The following SLAMF6 variants were observed in gnomAD, a reference collection of about 807,000 sequenced individuals.
SLAMF6 encodes the protein SLAM family member 6.
Under a neutral mutation model 38.3 loss-of-function variants are expected in SLAMF6, and 21 were observed. That is an observed-to-expected ratio of 0.55 (90% CI 0.39 to 0.79). SLAMF6 has a LOEUF of 0.79. Among genes scored for constraint, SLAMF6 ranks in the 30% least tolerant of loss-of-function variants. SLAMF6 has a pLI of 0.00. For synonymous variants in SLAMF6, 152 were observed against 146.3 expected (o/e 1.04, Z -0.28); for missense variants, 341 against 385.3 (o/e 0.89, Z 0.96).
chr1:160,517,807 A>G (rs1269668868), intron 1 of SLAMF6, among the ~76,000 whole-genome samples: 1 of 152,166 alleles, frequency 6.6e-6, no homozygotes, highest in East Asian at 1.9e-4. Flanking sequence ...GAACAGTGAG[A>G]ACACATGGAC....
intron 6 of SLAMF6, 127 bp from the exon 7 acceptor site, chr1:160,487,302 G>A (rs1653017440): frequency 7.2e-6 from 6 of 839,010 alleles, no homozygotes; most frequent in South Asian, 3.5e-5. Context: ...GAAGGCTGGG[G>A]AATGTTCAGT....
intron 4 of SLAMF6, 164 bp downstream of exon 4, chr1:160,490,411 G>A (rs1267283176): frequency 2.9e-5 from 23 of 788,680 alleles, no homozygotes; most frequent in Non-Finnish European, 3.4e-5. Flanking sequence ...ATTAGCAGGT[G>A]CAAGATCACA....
chr1:160,501,008 CA>C (rs1265894327), intron 1 of SLAMF6, among the ~76,000 whole-genome samples: 1 of 152,196 alleles, frequency 6.6e-6, no homozygotes, highest in Non-Finnish European at 1.5e-5. Flanking sequence ...AAGGCTAAGG[CA>C]GAGTGGTAGC....
At chr1:160,512,336 G>T (rs1220691657) in intron 1 of SLAMF6, among the ~76,000 whole-genome samples, 1 of 152,196 alleles carries the variant, frequency 6.6e-6, no homozygotes, top group Non-Finnish European at 1.5e-5. Flanking sequence ...CCAGCCAAGG[G>T]TTTATGGACA....
At chr1:160,513,397 C>A (rs888231516) in intron 1 of SLAMF6, among the ~76,000 whole-genome samples, 2 of 152,138 alleles carry the variant, frequency 1.3e-5, no homozygotes, top group Non-Finnish European at 2.9e-5. Flanking sequence ...GATTATGGTA[C>A]CTGAAAGAGA....
At chr1:160,518,412 A>G (rs1403650727) in intron 1 of SLAMF6, among the ~76,000 whole-genome samples, 1 of 152,232 alleles carries the variant, frequency 6.6e-6, no homozygotes, top group Non-Finnish European at 1.5e-5. Flanking sequence ...CTGGGTATAT[A>G]CCCAAAAGAA....
intron 1 of SLAMF6, among the ~76,000 whole-genome samples, chr1:160,501,365 C>A (rs1318350983): frequency 6.6e-6 from 1 of 152,192 alleles, no homozygotes; most frequent in East Asian, 1.9e-4. Flanking sequence ...GCCCTCGTAT[C>A]ACTATTGCAG....
intron 1 of SLAMF6, among the ~76,000 whole-genome samples, chr1:160,510,111 A>T (rs1654396828): frequency 6.6e-6 from 1 of 152,154 alleles, no homozygotes. Flanking sequence ...CAGTACTCAA[A>T]AACCTCCTGA....
rs773634835 is a variant in SLAMF6, at chr1:160,496,048, T to C, written c.382+13A>G. 1.2e-6 allele frequency: 2 copies of C among 1,601,956 alleles called. No homozygotes were observed. The highest frequency in any genetic ancestry group is 3.4e-5 in the Admixed American group (2 of 58,790). The stretch of plus-strand genomic sequence containing the variant: ...TCAGTCCATATGGAATTAAACCCCA[T>C]ATTTTGACTTACTTAATATCCTCAG... On this transcript the variant is annotated intron_variant, in intron 2 of 7. Transcript: ENST00000368057.
At chr1:160,504,442 C>T (rs182399619) in intron 1 of SLAMF6, among the ~76,000 whole-genome samples, 27 of 152,262 alleles carry the variant, frequency 1.8e-4, no homozygotes, top group Admixed American at 1.5e-3. Flanking sequence ...TTGCCCTTTC[C>T]CCGATCTTTT....
intron 4 of SLAMF6, 131 bp from the exon 5 acceptor site, chr1:160,490,367 C>A: frequency 2.1e-6 from 3 of 1,422,382 alleles, no homozygotes; most frequent in Non-Finnish European, 2.9e-6. Flanking sequence ...GAGACAGGGT[C>A]CCACTTTTCC....
chr1:160,496,797 T>C (rs1256405956), intron 1 of SLAMF6, among the ~76,000 whole-genome samples: 1 of 152,150 alleles, frequency 6.6e-6, no homozygotes, highest in Non-Finnish European at 1.5e-5. Context: ...AAGCCTGATA[T>C]TTACTGATTA....
chr1:160,490,491 A>T, intron 4 of SLAMF6, 84 bp downstream of exon 4: 1 of 1,550,994 alleles, frequency 6.4e-7, no homozygotes, highest in Non-Finnish European at 8.7e-7. Context: ...TGTCTTCCAC[A>T]AGAGATCCTT....
intron 1 of SLAMF6, among the ~76,000 whole-genome samples, chr1:160,522,202 A>G (rs547223501): frequency 3.9e-5 from 6 of 152,350 alleles, no homozygotes; most frequent in African/African-American, 1.4e-4. Context: ...CATGCTGGCT[A>G]ATGAAATTTG....
intron 1 of SLAMF6, among the ~76,000 whole-genome samples, chr1:160,505,809 GAA>G (rs982643628): frequency 2.0e-5 from 3 of 152,054 alleles, no homozygotes; most frequent in African/African-American, 7.2e-5. Context: ...TTAAAAGATA[GAA>G]ATAATAACAA....
At chr1:160,513,952 A>G (rs1654619816) in intron 1 of SLAMF6, among the ~76,000 whole-genome samples, 2 of 152,190 alleles carry the variant, frequency 1.3e-5, no homozygotes, top group Admixed American at 1.3e-4. Flanking sequence ...TGAAGCAACT[A>G]CATCAATAAG....
chr1:160,514,118 G>A (rs1654628005), intron 1 of SLAMF6, among the ~76,000 whole-genome samples: 1 of 152,118 alleles, frequency 6.6e-6, no homozygotes, highest in African/African-American at 2.4e-5. Flanking sequence ...GTATTCAAGA[G>A]ACTCATCTCA....
Position 160,491,398 on chromosome 1 carries a change from GAA to G in SLAMF6, c.383-12_383-11del. On this transcript the variant is annotated splice_polypyrimidine_tract_variant and intron_variant, in intron 2 of 7. Coordinates refer to ENST00000368057, the MANE Select transcript of SLAMF6 (RefSeq NM_001184714.2). The stretch of plus-strand genomic sequence containing the variant: ...ATGTTCCTCAGTTGTCCTGTTTGCA[GAA>G]AAAAAAAAGATCCAGATTAAGGACA... The G allele has an allele frequency of 6.8e-7, 1 of 1,464,300 alleles. No homozygotes were observed. Among genetic ancestry groups the G allele is most frequent in the South Asian group, 1.3e-5 (1 of 78,710 alleles). The allele number at this position is 1,464,300 out of a possible 1,614,324, so 90.7% of individuals were successfully genotyped here.
Position 160,514,588 on chromosome 1 carries a change from T to C in SLAMF6, c.49+8556A>G, listed in dbSNP as rs564054600. On this transcript the variant is annotated intron_variant, in intron 1 of 7. Coordinates refer to ENST00000368057, the MANE Select transcript of SLAMF6 (RefSeq NM_001184714.2). ...TGCCACATGGAACTTACTCTAAAATTGATCACATAATTGGAAGTAAAACAC... is the reference window on the plus strand; with the variant it reads ...TGCCACATGGAACTTACTCTAAAATCGATCACATAATTGGAAGTAAAACAC... 8.9e-4 allele frequency among the ~76,000 whole-genome samples: 135 copies of C among 152,128 alleles called. 3 individuals are homozygous for C. Among genetic ancestry groups the C allele is most frequent in the Non-Finnish European group, 1.4e-3 (93 of 68,020 alleles).
Sources: gnomAD v4.1 joint callset for allele counts (sites outside exome capture counted in the v4.1 genomes callset) on GRCh38, gnomAD v4.1.1 for gene constraint, MANE v1.5 for transcripts, NCBI Gene and HGNC (gene_info 2026-07-23, HGNC 2026-07-21) for gene names.